Variants in ADAM12 observed in about 807,000 individuals in gnomAD.
The protein encoded by ADAM12 is ADAM metallopeptidase domain 12.
A neutral mutation model predicts 106.4 loss-of-function variants in ADAM12; 70 were observed. That is an observed-to-expected ratio of 0.66 (90% confidence interval 0.54 to 0.80). The LOEUF (loss-of-function observed/expected upper bound fraction) is 0.80. Among genes scored for constraint, ADAM12 ranks in the 30% least tolerant of loss-of-function variants. The pLI, the probability that ADAM12 is intolerant of heterozygous loss-of-function variation, is 0.00. For missense variants in ADAM12, 1,010 were observed against 1,171.9 expected (o/e 0.86, Z 2.02); for synonymous variants, 420 against 433.5 (o/e 0.97, Z 0.39).
chr10:126,362,217 C>A (rs1199194546), intron 1 of ADAM12, among the ~76,000 whole-genome samples: 1 of 151,940 alleles, frequency 6.6e-6, no homozygotes, highest in African/African-American at 2.4e-5. Flanking sequence ...TAGGGAAATG[C>A]CAATAAAACC....
intron 21 of ADAM12, among the ~76,000 whole-genome samples, chr10:126,025,516 G>GTC (rs377666328): frequency 0.24 from 36,674 of 152,028 alleles, 4,788 homozygotes; most frequent in East Asian, 0.32. Flanking sequence ...ATGAACAGAA[G>GTC]GTCTTGAGAA....
intron 3 of ADAM12, among the ~76,000 whole-genome samples, chr10:126,233,663 G>A (rs953514598): frequency 1.4e-4 from 22 of 152,286 alleles, no homozygotes; most frequent in Admixed American, 1.1e-3. Flanking sequence ...CAACCATCTC[G>A]TGGGAGCTTT....
intron 5 of ADAM12, among the ~76,000 whole-genome samples, chr10:126,127,919 CG>C (rs963770750): frequency 7.2e-5 from 11 of 152,098 alleles, no homozygotes; most frequent in African/African-American, 2.7e-4. Flanking sequence ...ACGCATGTGG[CG>C]GCATGCTCTG....
intron 2 of ADAM12, among the ~76,000 whole-genome samples, chr10:126,288,643 T>C (rs1959993694): frequency 2.0e-5 from 3 of 150,988 alleles, no homozygotes; most frequent in South Asian, 4.2e-4. Flanking sequence ...GACAGGACCA[T>C]GTGGTGACAT....
At chr10:126,103,330 C>A (rs1168168799) in intron 8 of ADAM12, among the ~76,000 whole-genome samples, 1 of 152,144 alleles carries the variant, frequency 6.6e-6, no homozygotes, top group African/African-American at 2.4e-5. Flanking sequence ...TTGCTGCCTG[C>A]TCTAAAAGTT....
chr10:126,336,498 A>G (rs1432704353), intron 1 of ADAM12, among the ~76,000 whole-genome samples: 1 of 152,212 alleles, frequency 6.6e-6, no homozygotes, highest in Admixed American at 6.5e-5. Flanking sequence ...GTCACTGACA[A>G]GGATTCCTAG....
chr10:126,161,803 C>T (rs1303551193), intron 3 of ADAM12, among the ~76,000 whole-genome samples: 1 of 152,166 alleles, frequency 6.6e-6, no homozygotes, highest in African/African-American at 2.4e-5. Context: ...AATGTGACAG[C>T]AATGGCCTTG....
chr10:126,039,796 G>C (rs1369685651), intron 18 of ADAM12, among the ~76,000 whole-genome samples: 1 of 151,864 alleles, frequency 6.6e-6, no homozygotes, highest in Non-Finnish European at 1.5e-5. Context: ...GCCATCCCCA[G>C]GCTCAAATGT....
intron 1 of ADAM12, among the ~76,000 whole-genome samples, chr10:126,335,125 A>G (rs1409545374): frequency 6.6e-6 from 1 of 152,230 alleles, no homozygotes; most frequent in Non-Finnish European, 1.5e-5. Context: ...ACCAAACCAC[A>G]CTATTGGTGC....
chr10:126,229,943 C>T (rs541355275), intron 3 of ADAM12, among the ~76,000 whole-genome samples: 7 of 151,994 alleles, frequency 4.6e-5, no homozygotes, highest in Admixed American at 1.3e-4. Flanking sequence ...AGGTGCTCAA[C>T]GAGTTGTGCT....
At chr10:126,303,929 C>T (rs769703171) in intron 2 of ADAM12, among the ~76,000 whole-genome samples, 2 of 152,176 alleles carry the variant, frequency 1.3e-5, no homozygotes, top group Non-Finnish European at 2.9e-5. Context: ...ACTATGAATA[C>T]ATTATAGAAC....
intron 3 of ADAM12, among the ~76,000 whole-genome samples, chr10:126,186,406 C>T (rs1957400425): frequency 2.0e-5 from 3 of 152,280 alleles, no homozygotes; most frequent in African/African-American, 7.2e-5. Flanking sequence ...GGGCAGTAAT[C>T]TGAATAGAAG....
chr10:126,378,563 TA>T (rs1856375984), intron 1 of ADAM12, among the ~76,000 whole-genome samples: 1 of 152,208 alleles, frequency 6.6e-6, no homozygotes, highest in Non-Finnish European at 1.5e-5. Flanking sequence ...AGATATTGAT[TA>T]GGGGTATGTG....
At chr10:126,099,254 G>A (rs79724421) in intron 9 of ADAM12, among the ~76,000 whole-genome samples, 4,909 of 152,228 alleles carry the variant, frequency 0.032, 188 homozygotes, top group East Asian at 0.083. Flanking sequence ...ACTTACCAAT[G>A]CTATCTTGGC....
chr10:126,100,539 TAAAAA>T lies in ADAM12; in HGVS notation c.911+528_911+532del, dbSNP rs746416839. Among the ~76,000 whole-genome samples the T allele has an allele frequency of 8.9e-3, 1,101 of 123,434 alleles. 11 individuals carry two copies. Among genetic ancestry groups the T allele is most frequent in the African/African-American group, 0.03 (1,043 of 34,394 alleles). 81.0% of individuals were successfully genotyped at this position (123,434 alleles called of 152,430 possible). ...CAACATGGTGAAACCCTGTCTCTAC[TAAAAA>T]AAAAAAAAAAAAATACAAAAATTAG... On this transcript the variant is annotated intron_variant, in intron 9 of 22. Transcript: ENST00000448723.
At chr10:126,382,662 C>G (rs556448180) in intron 1 of ADAM12, among the ~76,000 whole-genome samples, 2 of 152,298 alleles carry the variant, frequency 1.3e-5, no homozygotes, top group African/African-American at 4.8e-5. Flanking sequence ...AACTTCTAAT[C>G]AGCTCTTTAA....
At chr10:126,387,883 G>A (rs1332771448) in intron 1 of ADAM12, among the ~76,000 whole-genome samples, 175 bp downstream of exon 1, 1 of 94,562 alleles carries the variant, frequency 1.1e-5, no homozygotes, top group Non-Finnish European at 2.4e-5. Context: ...CCAAGGAATT[G>A]GCACCTGGGG....
chr10:126,189,985 T>C lies in ADAM12; in HGVS notation c.261-34680A>G, dbSNP rs189750418. On this transcript the variant is annotated intron_variant, in intron 3 of 22. Coordinates refer to ENST00000448723, the MANE Select transcript of ADAM12 (RefSeq NM_001288973.2). ...TAGACGTTTGTCTCTTTTCAGAAGATGGTCACTGAAGACCCAGCATTGTGA... is the reference window on the plus strand; with the variant it reads ...TAGACGTTTGTCTCTTTTCAGAAGACGGTCACTGAAGACCCAGCATTGTGA... 3.5e-3 allele frequency among the ~76,000 whole-genome samples: 529 copies of C among 152,204 alleles called. 4 individuals are homozygous for C. Among genetic ancestry groups the C allele is most frequent in the African/African-American group, 0.012 (505 of 41,520 alleles).
chr10:126,126,956 G>GA (rs1956216390), intron 5 of ADAM12, among the ~76,000 whole-genome samples: 4 of 152,136 alleles, frequency 2.6e-5, no homozygotes, highest in Non-Finnish European at 4.4e-5. Context: ...GAGTGACAGT[G>GA]GGGCCTGGGG....
Sources: allele counts gnomAD v4.1 joint callset (sites outside exome capture counted in the v4.1 genomes callset), GRCh38; gene constraint gnomAD v4.1.1; transcripts MANE v1.5; gene names NCBI Gene and HGNC (gene_info 2026-07-23, HGNC 2026-07-21).